The following EFHB variants were observed in gnomAD, a reference collection of about 807,000 sequenced individuals.
The protein encoded by EFHB is EF-hand domain-containing family member B.
Under a neutral mutation model 87.2 loss-of-function variants are expected in EFHB, and 91 were observed. The ratio of observed to expected loss-of-function variants is 1.04; its 90% confidence interval spans 0.88 to 1.24. EFHB has a LOEUF of 1.24. Among genes scored for constraint, EFHB ranks in the 50% most tolerant of loss-of-function variants. The pLI, the probability that EFHB is intolerant of heterozygous loss-of-function variation, is 0.00. For synonymous variants in EFHB, 325 were observed against 333.6 expected (o/e 0.97, Z 0.28); for missense variants, 1,084 against 998.8 (o/e 1.09, Z -1.15).
chr3:19,899,507 C>A lies in EFHB; in HGVS notation c.1427G>T (p.Gly476Val). ...YWLHELQMKR[G>V]AKFVSKRADD... is the part of the protein sequence containing the mutation. ...TGCTCTTTTGGATACAAACTTAGCT[C>A]CTCTTTTCCTGCAAAATTAGAACAT... The change falls in exon 7 of 13, where the codon GGA becomes GTA. Residue 476 changes from glycine to valine, a missense_variant. Transcript: ENST00000295824. The A allele has an allele frequency of 6.3e-7, 1 of 1,596,968 alleles. No homozygotes were observed. Among genetic ancestry groups the A allele is most frequent in the Non-Finnish European group, 8.5e-7 (1 of 1,173,854 alleles).
At chr3:19,898,906 A>C (rs1405483441) in intron 7 of EFHB, 61 bp from the exon 8 acceptor site, 2 of 1,546,696 alleles carry the variant, frequency 1.3e-6, no homozygotes, top group Non-Finnish European at 1.8e-6. Flanking sequence ...TGGAATTTAA[A>C]ATATGTTTGC....
At chr3:19,917,441 G>C (rs920367726) in intron 4 of EFHB, among the ~76,000 whole-genome samples, 2 of 151,922 alleles carry the variant, frequency 1.3e-5, no homozygotes, top group South Asian at 4.2e-4. Flanking sequence ...TGAGCCTTTC[G>C]GTGAACAAAG....
upstream of EFHB, among the ~76,000 whole-genome samples, chr3:19,937,795 T>C (rs1696057435): frequency 6.6e-6 from 1 of 152,154 alleles, no homozygotes. Flanking sequence ...ATATTTGTGG[T>C]ATTTTACCTA....
At chr3:19,909,297 C>A (rs1230243908) in intron 5 of EFHB, among the ~76,000 whole-genome samples, 1 of 152,092 alleles carries the variant, frequency 6.6e-6, no homozygotes, top group African/African-American at 2.4e-5. Flanking sequence ...AAACTCAGTG[C>A]TTTCCTGTTA....
At chr3:19,893,979 T>C (rs1694390023) in intron 9 of EFHB, among the ~76,000 whole-genome samples, 1 of 152,240 alleles carries the variant, frequency 6.6e-6, no homozygotes, top group Non-Finnish European at 1.5e-5. Flanking sequence ...AATGTGCTGT[T>C]TAAGTGAGCA....
upstream of EFHB, among the ~76,000 whole-genome samples, chr3:19,934,381 G>C (rs1695955004): frequency 1.3e-5 from 1 of 74,498 alleles, no homozygotes; most frequent in Non-Finnish European, 2.7e-5. Flanking sequence ...TCTCTCCTCT[G>C]TTTCTCTCTG....
In EFHB at chr3:19,918,265, T is replaced by C. The variant is rs764178909; in HGVS notation, c.1144A>G (p.Thr382Ala). 3.1e-6 allele frequency: 5 copies of C among 1,611,668 alleles called. No homozygotes were observed. In the South Asian group the frequency reaches 5.5e-5, roughly 18 times the overall value. The change falls in exon 4 of 13, where the codon ACC becomes GCC. Residue 382 changes from threonine to alanine, a missense_variant. Coordinates refer to ENST00000295824, the MANE Select transcript of EFHB (RefSeq NM_144715.4). The part of the protein sequence containing the change: ...APGLPKGMDT[T>A]NTTFGTAVIK... ...ACTGCTGTCCCAAATGTCGTATTGG[T>C]TGTGTCCATGCCTTTTGGTAATCCT...
intron 1 of EFHB, among the ~76,000 whole-genome samples, chr3:19,928,400 T>C (rs747448045): frequency 3.9e-5 from 6 of 152,178 alleles, no homozygotes; most frequent in Non-Finnish European, 8.8e-5. Flanking sequence ...TCACATGTAA[T>C]AGTGAAACAT....
intron 5 of EFHB, among the ~76,000 whole-genome samples, chr3:19,912,487 A>C (rs947046964): frequency 3.3e-5 from 5 of 152,134 alleles, no homozygotes; most frequent in African/African-American, 1.2e-4. Context: ...CAGAAAGAAA[A>C]ATAATAATAA....
At chr3:19,945,368 G>C (rs1440062435) in intron 1 of EFHB, among the ~76,000 whole-genome samples, 2 of 152,194 alleles carry the variant, frequency 1.3e-5, no homozygotes, top group Non-Finnish European at 2.9e-5. Context: ...GTAAAGAATG[G>C]ACAGAAAGAA....
intron 6 of EFHB, 59 bp downstream of exon 6, chr3:19,905,561 C>T: frequency 1.3e-6 from 2 of 1,545,056 alleles, no homozygotes; most frequent in Non-Finnish European, 1.8e-6. Flanking sequence ...TAAAAATCAA[C>T]TTTTCTTTAA....
chr3:19,919,373 T>C (rs1695356352), intron 3 of EFHB, among the ~76,000 whole-genome samples: 1 of 151,452 alleles, frequency 6.6e-6, no homozygotes, highest in East Asian at 1.9e-4. Context: ...GCTTTTTTTT[T>C]TTTTTTTACT....
intron 1 of EFHB, among the ~76,000 whole-genome samples, chr3:19,932,655 G>C (rs952115187): frequency 3.3e-5 from 5 of 152,198 alleles, no homozygotes; most frequent in Non-Finnish European, 7.3e-5. Flanking sequence ...TCTGTATTCA[G>C]AGTGTACTTC....
intron 1 of EFHB, among the ~76,000 whole-genome samples, chr3:19,932,443 TGCTGG>T (rs1695859243): frequency 6.6e-6 from 1 of 152,220 alleles, no homozygotes; most frequent in Admixed American, 6.5e-5. Context: ...CTCAACACCC[TGCTGG>T]CTGAATACAA....
At position 19,882,055 on chromosome 3, in the gene EFHB, A is replaced by ATAAATAAATAAT. The variant is rs1553627426; in HGVS notation, c.2328+494_2328+495insATTATTTATTTA. ...AATAAATAAATAAATAAATAAATAA[A>ATAAATAAATAAT]TAAATAATTAAATAAGACAGATGTA... On this transcript the variant is annotated intron_variant, in intron 12 of 12. Transcript: ENST00000295824. Among the ~76,000 whole-genome samples, 75 of 140,208 alleles carry ATAAATAAATAAT rather than the reference A, an allele frequency of 5.3e-4. 2 individuals carry two copies. The highest frequency in any genetic ancestry group is 7.4e-3 in the Middle Eastern group (2 of 272). The allele number at this position is 140,208 out of a possible 152,430, so 92.0% of individuals were successfully genotyped here. A position where few individuals can be genotyped will look rare whatever the true frequency, so the allele number is the denominator to read the frequency against.
chr3:19,906,193 A>G (rs939789155), intron 5 of EFHB, among the ~76,000 whole-genome samples: 1 of 152,054 alleles, frequency 6.6e-6, no homozygotes, highest in Non-Finnish European at 1.5e-5. Flanking sequence ...GCTGGTCATG[A>G]TGGCATGCAC....
chr3:19,917,388 T>C (rs528849594), intron 4 of EFHB, among the ~76,000 whole-genome samples: 1 of 152,322 alleles, frequency 6.6e-6, no homozygotes, highest in Middle Eastern at 3.4e-3. Context: ...AAGTATAATC[T>C]ATCTTCAGAG....
chr3:19,895,003 T>TATAA (rs1694429923), intron 9 of EFHB: 1 of 147,182 alleles, frequency 6.8e-6, no homozygotes, highest in South Asian at 2.1e-4. Context: ...TATATATGTA[T>TATAA]ATATAAAAAT....
At chr3:19,927,909 T>C (rs933206095) in intron 1 of EFHB, among the ~76,000 whole-genome samples, 1 of 150,032 alleles carries the variant, frequency 6.7e-6, no homozygotes, top group East Asian at 1.9e-4. Context: ...ATACTATAAA[T>C]ACTGTAGTAT....
Sources: allele counts gnomAD v4.1 joint callset (sites outside exome capture counted in the v4.1 genomes callset), GRCh38; gene constraint gnomAD v4.1.1; transcripts MANE v1.5; gene names NCBI Gene and HGNC (gene_info 2026-07-23, HGNC 2026-07-21).